Variants in PKNOX2 observed in about 807,000 individuals in gnomAD.
PKNOX2 encodes the protein homeobox protein PKNOX2.
In PKNOX2, 14 loss-of-function variants were observed where a neutral mutation model predicts 53.1. That is an observed-to-expected ratio of 0.26 (90% CI 0.17 to 0.41). The LOEUF (loss-of-function observed/expected upper bound fraction) is 0.41, where lower values mean the gene tolerates loss of function less well. Ranked by LOEUF, PKNOX2 falls within the 10% of genes least tolerant of loss-of-function variation. The pLI, the probability that PKNOX2 is intolerant of heterozygous loss-of-function variation, is 1.00. For synonymous variants in PKNOX2, 257 were observed against 242.8 expected, an observed-to-expected ratio of 1.06 and a Z score of -0.54; for missense variants, 496 against 602.8, an observed-to-expected ratio of 0.82 and a Z score of 1.85.
At chr11:125,339,589 G>A (rs1363584781) in intron 3 of PKNOX2, among the ~76,000 whole-genome samples, 1 of 152,188 alleles carries the variant, frequency 6.6e-6, no homozygotes, top group Non-Finnish European at 1.5e-5. Flanking sequence ...CAGAGAGCAG[G>A]CTGACTGCAT....
At chr11:125,408,102 G>C (rs1298239856) in intron 7 of PKNOX2, among the ~76,000 whole-genome samples, 1 of 152,096 alleles carries the variant, frequency 6.6e-6, no homozygotes, top group East Asian at 1.9e-4. Flanking sequence ...ACCGGTGTAG[G>C]GGGCATTTGT....
intron 2 of PKNOX2, among the ~76,000 whole-genome samples, chr11:125,279,440 G>A (rs57402976): frequency 0.055 from 8,348 of 152,190 alleles, 726 homozygotes; most frequent in African/African-American, 0.19. Flanking sequence ...CACTGGCCTC[G>A]CATGTCAGAT....
intron 6 of PKNOX2, among the ~76,000 whole-genome samples, chr11:125,394,667 A>G (rs1416917890): frequency 6.6e-6 from 1 of 152,154 alleles, no homozygotes; most frequent in Admixed American, 6.5e-5. Context: ...ATCCCTTTTT[A>G]TATTGTCCAA....
intron 2 of PKNOX2, among the ~76,000 whole-genome samples, chr11:125,276,319 C>G (rs1377034127): frequency 6.6e-6 from 1 of 152,062 alleles, no homozygotes; most frequent in East Asian, 1.9e-4. Context: ...TGAAGAGGAA[C>G]TCCTAAAGAG....
intron 2 of PKNOX2, among the ~76,000 whole-genome samples, chr11:125,264,846 C>T (rs533262316): frequency 1.1e-3 from 165 of 152,260 alleles, no homozygotes; most frequent in Non-Finnish European, 2.0e-3. Flanking sequence ...AGAAGCTGCA[C>T]GGGTTCCCAT....
chr11:125,377,230 G>A (rs751581202), intron 5 of PKNOX2, among the ~76,000 whole-genome samples: 1 of 152,192 alleles, frequency 6.6e-6, no homozygotes, highest in Non-Finnish European at 1.5e-5. Flanking sequence ...GGACACTGAG[G>A]CTCCAAAAAT....
At chr11:125,390,789 CAGA>C (rs1481669279) in intron 6 of PKNOX2, among the ~76,000 whole-genome samples, 2 of 152,346 alleles carry the variant, frequency 1.3e-5, no homozygotes, top group African/African-American at 4.8e-5. Flanking sequence ...CTGAGGCCAT[CAGA>C]AGGAGAGTGC....
intron 2 of PKNOX2, among the ~76,000 whole-genome samples, chr11:125,241,068 G>A (rs1348590385): frequency 6.6e-6 from 1 of 152,170 alleles, no homozygotes; most frequent in African/African-American, 2.4e-5. Context: ...CACCTCCAGT[G>A]GTTCTTTGCT....
In PKNOX2 at chr11:125,328,735, C is replaced by A. The variant is rs535353865; in HGVS notation, c.-129-3084C>A. Among the ~76,000 whole-genome samples the A allele has an allele frequency of 3.9e-4, 60 of 152,266 alleles. 1 individual carries two copies. The South Asian group carries it at 0.012, about 32-fold the overall frequency. ...TTTGGATTGGTAAGAAATAGAAGGG[C>A]AAAGAGAAGCAGAGAGCTTGGGAGA... On this transcript the variant is annotated intron_variant, in intron 2 of 12. Coordinates refer to ENST00000298282, the MANE Select transcript of PKNOX2 (RefSeq NM_001382323.2).
chr11:125,405,109 C>G (rs751179088), intron 7 of PKNOX2, among the ~76,000 whole-genome samples: 1 of 152,116 alleles, frequency 6.6e-6, no homozygotes, highest in Non-Finnish European at 1.5e-5. Flanking sequence ...CACCCCACTC[C>G]GGCCACCGAC....
chr11:125,181,916 A>T (rs1956175428), intron 1 of PKNOX2, among the ~76,000 whole-genome samples: 1 of 151,802 alleles, frequency 6.6e-6, no homozygotes. Context: ...TTCTCTGTCC[A>T]CCTCCCGAAA....
At chr11:125,300,499 G>T (rs1947972801) in intron 2 of PKNOX2, among the ~76,000 whole-genome samples, 1 of 152,158 alleles carries the variant, frequency 6.6e-6, no homozygotes, top group African/African-American at 2.4e-5. Flanking sequence ...CTGGCATTTT[G>T]GTTCCCAAGC....
chr11:125,247,999 C>T (rs1184201351), intron 2 of PKNOX2, among the ~76,000 whole-genome samples: 1 of 152,174 alleles, frequency 6.6e-6, no homozygotes, highest in East Asian at 1.9e-4. Flanking sequence ...GCCTGAACCT[C>T]CTGCCACTGA....
At chr11:125,184,725 G>A (rs1048534555) in intron 1 of PKNOX2, among the ~76,000 whole-genome samples, 2 of 152,172 alleles carry the variant, frequency 1.3e-5, no homozygotes, top group African/African-American at 4.8e-5. Flanking sequence ...ACACCCAGGA[G>A]CCTCTGATTG....
intron 3 of PKNOX2, among the ~76,000 whole-genome samples, chr11:125,347,693 T>C (rs1951054221): frequency 6.6e-6 from 1 of 152,206 alleles, no homozygotes; most frequent in Non-Finnish European, 1.5e-5. Context: ...TTTTAGTTTC[T>C]TCTGATGATA....
chr11:125,428,955 T>TG (rs886908365), intron 10 of PKNOX2, 57 bp from the exon 11 acceptor site: 18 of 1,539,788 alleles, frequency 1.2e-5, no homozygotes, highest in Admixed American at 6.7e-5. Flanking sequence ...CACAGTCCCT[T>TG]GGGGGGGCCA....
intron 5 of PKNOX2, among the ~76,000 whole-genome samples, chr11:125,381,444 A>T (rs1953221457): frequency 6.6e-6 from 1 of 152,108 alleles, no homozygotes; most frequent in South Asian, 2.1e-4. Context: ...ACTCTTAGTT[A>T]ACTTGGAGGG....
At chr11:125,228,200 T>C (rs777160753) in intron 1 of PKNOX2, among the ~76,000 whole-genome samples, 22 of 152,272 alleles carry the variant, frequency 1.4e-4, no homozygotes, top group Middle Eastern at 3.2e-3. Flanking sequence ...CCGTCCAGTA[T>C]GACAGCCACT....
intron 6 of PKNOX2, among the ~76,000 whole-genome samples, chr11:125,389,696 G>T (rs1408466127): frequency 4.6e-5 from 7 of 152,198 alleles, no homozygotes; most frequent in Admixed American, 6.5e-5. Context: ...TATAAAATCT[G>T]ATTTACGGGC....
Sources: gnomAD v4.1 joint callset for allele counts (sites outside exome capture counted in the v4.1 genomes callset) on GRCh38, gnomAD v4.1.1 for gene constraint, MANE v1.5 for transcripts, NCBI Gene and HGNC (gene_info 2026-07-23, HGNC 2026-07-21) for gene names.